Variants in FAM200B observed in about 807,000 individuals in gnomAD.
The protein encoded by FAM200B is protein FAM200B.
In FAM200B, 32 loss-of-function variants were observed where a neutral mutation model predicts 33.1. That is an observed-to-expected ratio of 0.97 (90% CI 0.73 to 1.30). The LOEUF (loss-of-function observed/expected upper bound fraction) is 1.30, where lower values mean the gene tolerates loss of function less well. FAM200B is among the 50% of genes most tolerant of loss of function. The pLI, the probability that FAM200B is intolerant of heterozygous loss-of-function variation, is 0.00. For synonymous variants in FAM200B, 240 were observed against 264.8 expected, an observed-to-expected ratio of 0.91 and a Z score of 0.91; for missense variants, 741 against 754.0, an observed-to-expected ratio of 0.98 and a Z score of 0.20.
In FAM200B at chr4:15,688,152, G is replaced by T; in HGVS notation, c.1175G>T (p.Gly392Val). 6.4e-7 allele frequency: 1 copy of T among 1,551,156 alleles called. No individual in the cohort carries two copies. The highest frequency in any genetic ancestry group is 8.7e-7 in the Non-Finnish European group (1 of 1,146,714). ...ACCAAAATTCGTTGGTTGTCTCAAG[G>T]GAAAATACTAAGCAGGGTTTATGAG... ...YHTKIRWLSQGKILSRVYELR... is the reference protein window; with the variant it reads ...YHTKIRWLSQVKILSRVYELR... The change falls in exon 2 of 2, where the codon GGG becomes GTG. Residue 392 changes from glycine (G) to valine (V), a missense_variant. By Grantham distance (109) the Gly-to-Val change is moderately radical. Coordinates refer to ENST00000422728, the MANE Select transcript of FAM200B (RefSeq NM_001145191.2).
At position 15,686,827 on chromosome 4, in the gene FAM200B, A is replaced by T. The variant is rs373732370; in HGVS notation, c.-151A>T. 4.0e-5 allele frequency: 18 copies of T among 447,822 alleles called. No individual in the cohort carries two copies. Among genetic ancestry groups the T allele is most frequent in the Middle Eastern group, 6.0e-4 (1 of 1,662 alleles). The allele number at this position is 447,822 out of a possible 1,614,324, so 27.7% of individuals were successfully genotyped here. A position where few individuals can be genotyped will look rare whatever the true frequency, so the allele number is the denominator to read the frequency against. The stretch of plus-strand genomic sequence containing the variant: ...AAGTTTTATATTACAATTACTTGCA[A>T]CTAGTTGTGAAGTCTGAAATATTCG... On this transcript the variant is annotated 5_prime_UTR_variant, in exon 2 of 2. Coordinates refer to ENST00000422728, the MANE Select transcript of FAM200B (RefSeq NM_001145191.2).
the FAM200B span, among the ~76,000 whole-genome samples, chr4:15,647,677 T>C: frequency 2.0e-5 from 3 of 152,122 alleles, no homozygotes; most frequent in African/African-American, 7.2e-5. Context: ...ATAAAGAGAC[T>C]CTAAATTACA....
chr4:15,645,035 T>G, the FAM200B span, among the ~76,000 whole-genome samples: 1 of 152,094 alleles, frequency 6.6e-6, no homozygotes, highest in African/African-American at 2.4e-5. Context: ...GTATGCTAAA[T>G]ACAGGCAGGC....
the FAM200B span, among the ~76,000 whole-genome samples, chr4:15,649,840 G>C: frequency 6.6e-6 from 1 of 152,012 alleles, no homozygotes; most frequent in African/African-American, 2.4e-5. Flanking sequence ...TCATTTTACA[G>C]ACTAACAAAC....
At chr4:15,680,603 G>A (rs1308041459), upstream of FAM200B, among the ~76,000 whole-genome samples, 5 of 152,070 alleles carry the variant, frequency 3.3e-5, no homozygotes, top group Non-Finnish European at 7.4e-5. Context: ...CTTGAACCAG[G>A]AGGCTGAGGT....
At chr4:15,655,847 G>C in the FAM200B span, among the ~76,000 whole-genome samples, 3 of 152,204 alleles carry the variant, frequency 2.0e-5, no homozygotes, top group African/African-American at 4.8e-5. Context: ...TCCTGGGGCC[G>C]AGCGCAGACC....
At chr4:15,666,676 A>G in the FAM200B span, among the ~76,000 whole-genome samples, 1 of 151,338 alleles carries the variant, frequency 6.6e-6, no homozygotes, top group African/African-American at 2.4e-5. Flanking sequence ...ACTAAACATC[A>G]AAAAAATTAG....
At chr4:15,644,763 TA>T in the FAM200B span, 2 of 1,284,650 alleles carry the variant, frequency 1.6e-6, no homozygotes, top group Non-Finnish European at 2.2e-6. Flanking sequence ...TATGCACAAA[TA>T]AAAAATATTC....
chr4:15,688,828 C>A lies in FAM200B; in HGVS notation c.1851C>A (p.Ile617=). ...GTTTGTGTGAACTAGGGTTTTCCAT[C>A]TTAACGCAGTTAAAAACAAAGGAAA... ...TTSLCELGFS[I]LTQLKTKERN... is the part of the protein sequence containing the mutation. Residue 617 remains isoleucine (I), a synonymous_variant, in exon 2 of 2, where the codon ATC becomes ATA. Coordinates refer to ENST00000422728, the MANE Select transcript of FAM200B (RefSeq NM_001145191.2). 6.4e-7 allele frequency: 1 copy of A among 1,551,520 alleles called. No homozygotes were observed. Among genetic ancestry groups the A allele is most frequent in the Non-Finnish European group, 8.7e-7 (1 of 1,146,864 alleles).
intron 1 of FAM200B, among the ~76,000 whole-genome samples, chr4:15,685,625 A>G (rs1481921951): frequency 6.6e-6 from 1 of 152,152 alleles, no homozygotes; most frequent in Non-Finnish European, 1.5e-5. Context: ...TCCAGTCATC[A>G]AGGACCCACC....
At chr4:15,663,192 C>T in the FAM200B span, among the ~76,000 whole-genome samples, 1 of 151,960 alleles carries the variant, frequency 6.6e-6, no homozygotes, top group South Asian at 2.1e-4. Context: ...TATGATATTC[C>T]TCTCCAAAGA....
At chr4:15,681,743 G>A (rs944889980), upstream of FAM200B, 1 of 153,100 alleles carries the variant, frequency 6.5e-6, no homozygotes, top group Non-Finnish European at 1.5e-5. Flanking sequence ...ATGCGCAGAG[G>A]GCCGATCCAG....
At chr4:15,683,046 C>T (rs1560259699) in intron 1 of FAM200B, among the ~76,000 whole-genome samples, 1 of 152,162 alleles carries the variant, frequency 6.6e-6, no homozygotes, top group Non-Finnish European at 1.5e-5. Context: ...GAAGATGATA[C>T]AGCGCACTAG....
At chr4:15,667,088 A>C in the FAM200B span, among the ~76,000 whole-genome samples, 207 of 152,316 alleles carry the variant, frequency 1.4e-3, no homozygotes, top group South Asian at 0.014. Context: ...ACCCATTACA[A>C]ATTGCAGCTA....
the FAM200B span, chr4:15,655,230 G>A: frequency 6.9e-7 from 1 of 1,439,198 alleles, no homozygotes; most frequent in Non-Finnish European, 9.3e-7. Context: ...CCCACCAGCT[G>A]CTTCATCCGC....
Position 15,687,395 on chromosome 4 carries a change from A to T in FAM200B, c.418A>T (p.Thr140Ser), listed in dbSNP as rs1718958805. The T allele has an allele frequency of 6.5e-7, 1 of 1,545,728 alleles. No individual in the cohort carries two copies. The highest frequency in any genetic ancestry group is 1.7e-4 in the Middle Eastern group (1 of 5,972). Residue 140 changes from threonine to serine, a missense_variant, in exon 2 of 2, where the codon ACT (threonine) becomes TCT (serine). Transcript: ENST00000422728. Reference sequence around the variant, plus strand: ...ATCAACACAATTTCTTAGTTGTTCTACTGCTGTTAGTGAGAAAGCCTTATT... The same window carrying T: ...ATCAACACAATTTCTTAGTTGTTCTTCTGCTGTTAGTGAGAAAGCCTTATT... ...KLSTQFLSCS[T>S]AVSEKALLSS... is the part of the protein sequence containing the mutation.
the FAM200B span, among the ~76,000 whole-genome samples, chr4:15,661,377 T>C: frequency 6.6e-6 from 1 of 152,178 alleles, no homozygotes; most frequent in Non-Finnish European, 1.5e-5. Context: ...TCCTGAGAAC[T>C]AAGTGTTTTA....
chr4:15,639,359 G>A, the FAM200B span, among the ~76,000 whole-genome samples: 1 of 152,166 alleles, frequency 6.6e-6, no homozygotes, highest in Admixed American at 6.5e-5. Context: ...CACCCAAACA[G>A]GGCCTCTGCC....
the FAM200B span, among the ~76,000 whole-genome samples, chr4:15,675,291 T>C: frequency 5.3e-5 from 8 of 151,942 alleles, no homozygotes; most frequent in Non-Finnish European, 8.8e-5. Context: ...AAGTAGAAAT[T>C]AATATGGGAA....
Sources: allele counts gnomAD v4.1 joint callset (sites outside exome capture counted in the v4.1 genomes callset), GRCh38; gene constraint gnomAD v4.1.1; transcripts MANE v1.5; gene names NCBI Gene and HGNC (gene_info 2026-07-23, HGNC 2026-07-21).